Variants in OTUD7A observed in about 807,000 individuals in gnomAD.
OTUD7A encodes the protein OTU deubiquitinase 7A.
OTUD7A carries 12 observed loss-of-function variants against 65.7 expected under a neutral mutation model. That is an observed-to-expected ratio of 0.18 (90% CI 0.12 to 0.30). The LOEUF is 0.30. Ranked by LOEUF, OTUD7A falls within the 10% of genes least tolerant of loss-of-function variation. The probability of loss-of-function intolerance (pLI) is 1.00; values close to 1 mark genes in which losing one functional copy is unlikely to be tolerated. For missense variants in OTUD7A, 1,148 were observed against 1,304.8 expected, an observed-to-expected ratio of 0.88 and a Z score of 1.85; for synonymous variants, 641 against 586.3, an observed-to-expected ratio of 1.09 and a Z score of -1.35.
intron 5 of OTUD7A, among the ~76,000 whole-genome samples, chr15:31,542,146 C>T (rs1888005193): frequency 6.6e-6 from 1 of 152,082 alleles, no homozygotes; most frequent in Admixed American, 6.6e-5. Context: ...ATATAACATC[C>T]TGCTCACAAC....
chr15:31,604,556 CACATTCT>C (rs1367587610), intron 3 of OTUD7A, among the ~76,000 whole-genome samples: 16 of 94,428 alleles, frequency 1.7e-4, no homozygotes, highest in African/African-American at 5.6e-4. Context: ...AACACAACTG[CACATTCT>C]GCACATTCTG....
Position 31,517,403 on chromosome 15 carries a change from T to A in OTUD7A, c.893+8946A>T, listed in dbSNP as rs191545300. 2.6e-5 allele frequency among the ~76,000 whole-genome samples: 4 copies of A among 152,318 alleles called. No homozygotes were observed. The East Asian group carries it at 7.7e-4, about 29-fold the overall frequency. On this transcript the variant is annotated intron_variant, in intron 8 of 12. Transcript: ENST00000307050. Reference sequence around the variant, plus strand: ...AATTCTGAAAATTCACTCCCACTTTTAGCCCTGAGACTTCATGTCTTCTTC... The same window carrying A: ...AATTCTGAAAATTCACTCCCACTTTAAGCCCTGAGACTTCATGTCTTCTTC...
At chr15:31,856,021 G>T (rs1000206937) in intron 1 of OTUD7A, among the ~76,000 whole-genome samples, 1 of 152,190 alleles carries the variant, frequency 6.6e-6, no homozygotes, top group Non-Finnish European at 1.5e-5. Context: ...GGGCTGCCAC[G>T]TCAATGGTAA....
At chr15:31,693,887 C>T (rs771985799) in intron 1 of OTUD7A, among the ~76,000 whole-genome samples, 47 of 152,208 alleles carry the variant, frequency 3.1e-4, no homozygotes, top group Non-Finnish European at 5.3e-4. Flanking sequence ...TGCATCACCA[C>T]GGGACTTGGG....
intron 1 of OTUD7A, among the ~76,000 whole-genome samples, chr15:31,813,642 G>A (rs1896477474): frequency 6.6e-6 from 1 of 152,152 alleles, no homozygotes; most frequent in Admixed American, 6.5e-5. Flanking sequence ...TGGACATTGT[G>A]CATCTTTAAG....
intron 4 of OTUD7A, among the ~76,000 whole-genome samples, chr15:31,564,784 A>G (rs1401768404): frequency 6.6e-6 from 1 of 152,186 alleles, no homozygotes; most frequent in Non-Finnish European, 1.5e-5. Flanking sequence ...TAAATTGTCT[A>G]CAAGAATCAC....
At chr15:31,757,127 A>G (rs1264023265) in intron 1 of OTUD7A, among the ~76,000 whole-genome samples, 1 of 152,064 alleles carries the variant, frequency 6.6e-6, no homozygotes, top group Non-Finnish European at 1.5e-5. Flanking sequence ...ATCCACTCCC[A>G]TACCCCAGCT....
At chr15:31,688,565 T>A in intron 1 of OTUD7A, among the ~76,000 whole-genome samples, 1 of 152,086 alleles carries the variant, frequency 6.6e-6, no homozygotes, top group East Asian at 1.9e-4. Context: ...TGGGGGACAA[T>A]CAGGGGTATC....
At chr15:31,868,323 G>C (rs780132455) in intron 1 of OTUD7A, among the ~76,000 whole-genome samples, 1 of 152,192 alleles carries the variant, frequency 6.6e-6, no homozygotes, top group Non-Finnish European at 1.5e-5. Flanking sequence ...AGTTTTACTA[G>C]TACTACAGCG....
chr15:31,722,074 T>TG (rs1159524480), intron 1 of OTUD7A, among the ~76,000 whole-genome samples: 1 of 152,214 alleles, frequency 6.6e-6, no homozygotes, highest in Non-Finnish European at 1.5e-5. Context: ...GAAGGCACAG[T>TG]GGCACACAGT....
intron 8 of OTUD7A, among the ~76,000 whole-genome samples, chr15:31,516,498 C>T (rs1289252309): frequency 1.3e-5 from 2 of 152,174 alleles, no homozygotes; most frequent in African/African-American, 4.8e-5. Flanking sequence ...TAGGGAGGGT[C>T]CTGGTTCTAT....
chr15:31,808,986 A>C (rs901308346), intron 1 of OTUD7A, among the ~76,000 whole-genome samples: 3 of 152,090 alleles, frequency 2.0e-5, no homozygotes, highest in Non-Finnish European at 4.4e-5. Flanking sequence ...CAAAGTGGAG[A>C]CTGAAAAGCA....
intron 1 of OTUD7A, among the ~76,000 whole-genome samples, chr15:31,859,550 C>A (rs946540557): frequency 2.6e-5 from 4 of 152,174 alleles, no homozygotes; most frequent in African/African-American, 9.7e-5. Flanking sequence ...TTTAAGGAGA[C>A]CAACTTTCTT....
intron 1 of OTUD7A, among the ~76,000 whole-genome samples, chr15:31,725,484 G>A (rs1371607825): frequency 3.9e-5 from 6 of 152,294 alleles, no homozygotes; most frequent in South Asian, 4.2e-4. Context: ...GCAGAAGCCC[G>A]TGACTTTGAG....
chr15:31,541,459 T>C (rs1309511218), intron 5 of OTUD7A, among the ~76,000 whole-genome samples: 1 of 152,198 alleles, frequency 6.6e-6, no homozygotes, highest in Non-Finnish European at 1.5e-5. Context: ...TGTGAATGCG[T>C]GTAGCACTGC....
intron 1 of OTUD7A, among the ~76,000 whole-genome samples, chr15:31,792,676 A>G (rs1895849460): frequency 6.6e-6 from 1 of 152,160 alleles, no homozygotes; most frequent in Non-Finnish European, 1.5e-5. Flanking sequence ...CATTCTCTGC[A>G]CAATAGTGAC....
chr15:31,682,457 G>A (rs916079318), intron 1 of OTUD7A, among the ~76,000 whole-genome samples: 1 of 152,146 alleles, frequency 6.6e-6, no homozygotes, highest in African/African-American at 2.4e-5. Flanking sequence ...AAAGTTAGAG[G>A]ACTCGCACAC....
Position 31,498,103 on chromosome 15 carries a change from T to C in OTUD7A, c.1171+3587A>G, listed in dbSNP as rs1428495139. ...GAGGAGCTGTGGAGATGGGCAAGGC[T>C]GTGCTTGGCTTGTTTGGGACTTTAC... On this transcript the variant is annotated intron_variant, in intron 10 of 12. Coordinates refer to ENST00000307050, the MANE Select transcript of OTUD7A (RefSeq NM_001382637.1). This position sits in a 1 kb window ranked among gnomAD's most constrained non-coding sequence, Gnocchi z 4.2. Among the ~76,000 whole-genome samples the C allele has an allele frequency of 6.6e-6, 1 of 152,174 alleles. No homozygotes were observed. The highest frequency in any genetic ancestry group is 1.5e-5 in the Non-Finnish European group (1 of 68,028).
At chr15:31,823,202 A>G (rs1276397956) in intron 1 of OTUD7A, among the ~76,000 whole-genome samples, 1 of 152,022 alleles carries the variant, frequency 6.6e-6, no homozygotes, top group Non-Finnish European at 1.5e-5. Flanking sequence ...TGTGATTCAA[A>G]CTCAGGCCTG....
Sources: allele counts gnomAD v4.1 joint callset (sites outside exome capture counted in the v4.1 genomes callset), GRCh38; gene constraint gnomAD v4.1.1; non-coding constraint Gnocchi (gnomAD v3.1); transcripts MANE v1.5; gene names NCBI Gene and HGNC (gene_info 2026-07-23, HGNC 2026-07-21).